LIMA1: variants seen among roughly 807,000 people sequenced by gnomAD.
LIMA1 encodes the protein LIM domain and actin binding 1.
A neutral mutation model predicts 62.6 loss-of-function variants in LIMA1; 52 were observed. The ratio of observed to expected loss-of-function variants is 0.83; its 90% CI spans 0.67 to 1.05. The LOEUF is 1.05. LIMA1 is among the 50% of genes least tolerant of loss of function. The pLI is 0.00. For synonymous variants in LIMA1, 302 were observed against 317.8 expected (o/e 0.95, Z 0.53); for missense variants, 780 against 902.2 (o/e 0.86, Z 1.74).
chr12:50,211,799 C>T (rs1438825292), intron 4 of LIMA1, among the ~76,000 whole-genome samples: 2 of 151,998 alleles, frequency 1.3e-5, no homozygotes, highest in Non-Finnish European at 2.9e-5. Context: ...ACAAAACACA[C>T]ACACACACAC....
chr12:50,176,470 G>A lies in LIMA1; in HGVS notation c.*594C>T, dbSNP rs1042154872. On this transcript the variant is annotated 3_prime_UTR_variant, in exon 11 of 11. Transcript: ENST00000341247. Reference sequence around the variant, plus strand: ...CTGTTGTATTATACCTCAGGACGTCGAGTTCAGGATGTAGTTTAGAGAGCA... The same window carrying A: ...CTGTTGTATTATACCTCAGGACGTCAAGTTCAGGATGTAGTTTAGAGAGCA... The A allele has an allele frequency of 6.6e-6, 1 of 152,214 alleles. No individual in the cohort carries two copies. Among genetic ancestry groups the A allele is most frequent in the Non-Finnish European group, 1.5e-5 (1 of 68,040 alleles). The allele number at this position is 152,214 out of a possible 1,614,324, so 9.4% of individuals were successfully genotyped here.
rs756737773 is a variant in LIMA1, at chr12:50,177,831, C to T, written c.1513G>A (p.Ala505Thr). The change falls in exon 11 of 11, where the codon GCT becomes ACT. Residue 505 changes from alanine to threonine, a missense_variant. Transcript: ENST00000341247. ...GAGGCCTTGGCTTCCATACTTGCAG[C>T]CAGGACACCCACCTTAGCAATAGGG... The part of the protein sequence containing the change: ...DAPIAKVGVL[A>T]ASMEAKASSQ... 1 of 1,613,224 alleles carries T rather than the reference C, an allele frequency of 6.2e-7. No homozygotes were observed. The highest frequency in any genetic ancestry group is 8.5e-7 in the Non-Finnish European group (1 of 1,179,560).
chr12:50,258,319 T>TGTGA (rs1198720735), intron 1 of LIMA1, among the ~76,000 whole-genome samples: 2 of 152,158 alleles, frequency 1.3e-5, no homozygotes, highest in African/African-American at 4.8e-5. Flanking sequence ...TGTGTGTGTG[T>TGTGA]GTGACAGAAT....
chr12:50,238,370 G>A (rs528901609), intron 2 of LIMA1, among the ~76,000 whole-genome samples: 18 of 152,144 alleles, frequency 1.2e-4, no homozygotes, highest in African/African-American at 4.3e-4. Flanking sequence ...AGCCAGGTGT[G>A]GTGGTGGGCA....
chr12:50,235,637 T>G (rs546117079), intron 2 of LIMA1, among the ~76,000 whole-genome samples: 1 of 152,270 alleles, frequency 6.6e-6, no homozygotes, highest in African/African-American at 2.4e-5. Context: ...AGTACTGCTC[T>G]GCAATTGAGC....
intron 2 of LIMA1, among the ~76,000 whole-genome samples, chr12:50,244,461 A>T (rs1941820587): frequency 6.7e-6 from 1 of 149,928 alleles, no homozygotes; most frequent in African/African-American, 2.5e-5. Flanking sequence ...CTTGTCTTGA[A>T]CTCCTGACCT....
At chr12:50,248,208 A>T (rs973145533) in intron 2 of LIMA1, among the ~76,000 whole-genome samples, 4 of 152,236 alleles carry the variant, frequency 2.6e-5, no homozygotes, top group African/African-American at 9.6e-5. Flanking sequence ...GCAGGTATAG[A>T]GAGTGCTTAA....
chr12:50,257,348 C>A (rs1367602810), intron 1 of LIMA1, among the ~76,000 whole-genome samples: 2 of 152,138 alleles, frequency 1.3e-5, no homozygotes, highest in Admixed American at 6.6e-5. Context: ...ATGTTGAAGG[C>A]CGAAAGAGTG....
In LIMA1 at chr12:50,178,040, C is replaced by A; in HGVS notation, c.1304G>T (p.Arg435Ile). The change falls in exon 11 of 11, where the codon AGA (arginine) becomes ATA (isoleucine). Residue 435 changes from arginine to isoleucine, a missense_variant. Physicochemically the swap from Arg to Ile is moderately conservative, Grantham distance 97 (BLOSUM62 -3). Coordinates refer to ENST00000341247, the MANE Select transcript of LIMA1 (RefSeq NM_016357.5). ...ATTGAAGTGAGGCTTACAATAGATT[C>A]TTCCATGTAAAGATGCATATGTTCC... ...SLGTYASLHG[R>I]IYCKPHFNQL... is the part of the protein sequence containing the mutation. 1 of 1,546,572 alleles carries A rather than the reference C, an allele frequency of 6.5e-7. No homozygotes were observed. Among genetic ancestry groups the A allele is most frequent in the Non-Finnish European group, 8.7e-7 (1 of 1,151,724 alleles).
intron 3 of LIMA1, among the ~76,000 whole-genome samples, chr12:50,229,125 C>T (rs1941572765): frequency 1.3e-5 from 2 of 152,318 alleles, no homozygotes; most frequent in East Asian, 1.9e-4. Flanking sequence ...CCATATTATA[C>T]CTGGCCTAAA....
intron 10 of LIMA1, among the ~76,000 whole-genome samples, chr12:50,179,782 C>G (rs1940453294): frequency 6.6e-6 from 1 of 151,590 alleles, no homozygotes; most frequent in African/African-American, 2.4e-5. Context: ...GCTCTGTCAC[C>G]CAGGCTGGAG....
At chr12:50,232,462 A>G (rs1941626391) in intron 2 of LIMA1, among the ~76,000 whole-genome samples, 1 of 148,354 alleles carries the variant, frequency 6.7e-6, no homozygotes, top group Non-Finnish European at 1.5e-5. Context: ...CTCCGCCTCC[A>G]GGGCTCAAGT....
At chr12:50,228,963 C>T (rs1425741436) in intron 3 of LIMA1, among the ~76,000 whole-genome samples, 1 of 152,192 alleles carries the variant, frequency 6.6e-6, no homozygotes, top group Non-Finnish European at 1.5e-5. Context: ...CTCAAGTGAT[C>T]CTTCTGCCTT....
chr12:50,263,855 GAGTATA>G lies in LIMA1; in HGVS notation c.-23-15087_-23-15082del, dbSNP rs1430341503. 4.9e-5 allele frequency among the ~76,000 whole-genome samples: 5 copies of G among 101,870 alleles called. No individual in the cohort carries two copies. In the East Asian group the frequency reaches 7.8e-4, roughly 16 times the overall value. 66.8% of individuals were successfully genotyped at this position (101,870 alleles called of 152,430 possible). ...GAGAGTATATATATATATATATAGA[GAGTATA>G]TATATATATATATATAAAGTATATA... On this transcript the variant is annotated intron_variant, in intron 1 of 10. Transcript: ENST00000341247.
rs201321021 is a variant in LIMA1 at position 50,178,100 on chromosome 12, A to G, written c.1275-31T>C. The G allele has an allele frequency of 1.6e-5, 23 of 1,402,714 alleles. No homozygotes were observed. In the African/African-American group the frequency reaches 3.4e-4, roughly 21 times the overall value. The allele number at this position is 1,402,714 out of a possible 1,614,324, so 86.9% of individuals were successfully genotyped here. ...ATTAAAAGAAAAAAAGCATAAACTT[A>G]GCAAATCTTCACATTCTCACTTATA... On this transcript the variant is annotated intron_variant, in intron 10 of 10. Coordinates refer to ENST00000341247, the MANE Select transcript of LIMA1 (RefSeq NM_016357.5).
chr12:50,218,902 A>AC (rs1565845772), intron 4 of LIMA1, among the ~76,000 whole-genome samples: 2 of 132,898 alleles, frequency 1.5e-5, no homozygotes, highest in African/African-American at 3.0e-5. Flanking sequence ...CCATAAAAAA[A>AC]AAAAAAACAA....
chr12:50,237,412 G>A lies in LIMA1; in HGVS notation c.120-5702C>T, dbSNP rs1487046380. Among the ~76,000 whole-genome samples the A allele has an allele frequency of 3.3e-5, 5 of 152,172 alleles. No individual in the cohort carries two copies. In the South Asian group the frequency reaches 6.2e-4, roughly 19 times the overall value. On this transcript the variant is annotated intron_variant, in intron 2 of 10. Transcript: ENST00000341247. ...AGCACTTTGGGAGGCCAAGGCGGGC[G>A]GATCTCCTGAGGTCAGGAGTTTAAG...
At chr12:50,250,335 G>C (rs1941912424) in intron 1 of LIMA1, among the ~76,000 whole-genome samples, 1 of 149,646 alleles carries the variant, frequency 6.7e-6, no homozygotes, top group Admixed American at 6.7e-5. Flanking sequence ...AGACATGGTG[G>C]TTCATACCTG....
At chr12:50,251,764 G>C (rs1427059329) in intron 1 of LIMA1, among the ~76,000 whole-genome samples, 2 of 152,046 alleles carry the variant, frequency 1.3e-5, no homozygotes, top group African/African-American at 4.8e-5. Flanking sequence ...AGAAAGTTAA[G>C]AAAAGTCAGA....
Sources: gnomAD v4.1 joint callset for allele counts (sites outside exome capture counted in the v4.1 genomes callset) on GRCh38, gnomAD v4.1.1 for gene constraint, MANE v1.5 for transcripts, NCBI Gene and HGNC (gene_info 2026-07-23, HGNC 2026-07-21) for gene names.